The following SEPTIN14 variants were observed in gnomAD, a reference collection of about 807,000 sequenced individuals.
SEPTIN14 encodes the protein septin 14.
SEPTIN14 carries 40 observed loss-of-function variants against 53.6 expected under a neutral mutation model. That is an observed-to-expected ratio of 0.75 (90% CI 0.58 to 0.97). SEPTIN14 has a LOEUF of 0.97. Ranked by LOEUF, SEPTIN14 falls within the 50% of genes least tolerant of loss-of-function variation. The probability of loss-of-function intolerance (pLI) is 0.00; values close to 1 mark genes in which losing one functional copy is unlikely to be tolerated. For missense variants in SEPTIN14, 471 were observed against 508.2 expected (o/e 0.93, Z 0.70); for synonymous variants, 138 against 166.8 (o/e 0.83, Z 1.33).
chr7:55,811,358 C>T, intron 7 of SEPTIN14: 1 of 502,576 alleles, frequency 2.0e-6, no homozygotes, highest in Non-Finnish European at 4.0e-6. Flanking sequence ...CGAGCTTCCA[C>T]CTCCCTAAGG....
intron 9 of SEPTIN14, among the ~76,000 whole-genome samples, chr7:55,799,566 G>A (rs918858447): frequency 2.7e-5 from 4 of 146,584 alleles, no homozygotes; most frequent in Non-Finnish European, 4.5e-5. Flanking sequence ...GATATTCCAT[G>A]CAAATTATAG....
intron 9 of SEPTIN14, 45 bp downstream of exon 9, chr7:55,805,213 G>T: frequency 1.3e-6 from 2 of 1,522,020 alleles, no homozygotes; most frequent in Non-Finnish European, 1.8e-6. Context: ...AATTAATAGG[G>T]CACCTAAAAA....
chr7:55,798,554 C>G (rs1425616456), intron 9 of SEPTIN14: 1 of 380,154 alleles, frequency 2.6e-6, no homozygotes, highest in Non-Finnish European at 5.2e-6. Flanking sequence ...GCCCAAGGAA[C>G]AGAACTCATC....
chr7:55,803,007 G>A lies in SEPTIN14; in HGVS notation c.1119+2251C>T, dbSNP rs984955745. Among the ~76,000 whole-genome samples the A allele has an allele frequency of 4.6e-5, 7 of 151,824 alleles. No homozygotes were observed. In the East Asian group the frequency reaches 1.4e-3, roughly 29 times the overall value. ...GGCTAGAGTGCAGTGGTGCAATCTG[G>A]GCTCACTGTAACCTCTACCTCCCGG... On this transcript the variant is annotated intron_variant, in intron 9 of 9. Coordinates refer to ENST00000388975, the MANE Select transcript of SEPTIN14 (RefSeq NM_207366.3).
intron 9 of SEPTIN14, among the ~76,000 whole-genome samples, chr7:55,799,518 CAAA>C (rs59445168): frequency 1.6e-4 from 10 of 62,886 alleles, no homozygotes; most frequent in African/African-American, 2.2e-4. Flanking sequence ...ACTCTTGTCT[CAAA>C]AAAAAAAAAA....
intron 6 of SEPTIN14, among the ~76,000 whole-genome samples, chr7:55,822,784 A>G (rs1788918288): frequency 6.6e-6 from 1 of 152,090 alleles, no homozygotes; most frequent in Admixed American, 6.6e-5. Context: ...GCATAAAACA[A>G]TAAAATTCCT....
intron 5 of SEPTIN14, among the ~76,000 whole-genome samples, chr7:55,841,179 G>T (rs1173649114): frequency 6.6e-6 from 1 of 152,054 alleles, no homozygotes; most frequent in East Asian, 1.9e-4. Context: ...AAAGTGACGG[G>T]ATTACAGGCG....
chr7:55,834,706 G>T lies in SEPTIN14; in HGVS notation c.559-120C>A, dbSNP rs185656898. The T allele has an allele frequency of 7.4e-6, 5 of 679,780 alleles. No individual in the cohort carries two copies. In the East Asian group the frequency reaches 1.2e-4, roughly 16 times the overall value. 42.1% of individuals were successfully genotyped at this position (679,780 alleles called of 1,614,324 possible). A position where few individuals can be genotyped will look rare whatever the true frequency, so the allele number is the denominator to read the frequency against. On this transcript the variant is annotated intron_variant, in intron 5 of 9. Coordinates refer to ENST00000388975, the MANE Select transcript of SEPTIN14 (RefSeq NM_207366.3). ...CGCCCAGGCTGGAGTGCAGGGGCACGATCTCGGCTCACTGCAAGCTCCGCC... is the reference window on the plus strand; with the variant it reads ...CGCCCAGGCTGGAGTGCAGGGGCACTATCTCGGCTCACTGCAAGCTCCGCC...
chr7:55,828,175 T>C (rs1789023345), intron 6 of SEPTIN14, among the ~76,000 whole-genome samples: 1 of 150,908 alleles, frequency 6.6e-6, no homozygotes, highest in Non-Finnish European at 1.5e-5. Context: ...AAGACAAAGC[T>C]GAAAATCAAC....
At chr7:55,855,861 CT>C (rs547418017) in intron 2 of SEPTIN14, among the ~76,000 whole-genome samples, 41 of 151,766 alleles carry the variant, frequency 2.7e-4, no homozygotes, top group African/African-American at 9.9e-4. Context: ...CCTGTAGCTG[CT>C]TTTTTTTGTT....
chr7:55,855,135 A>G (rs1167731522), intron 2 of SEPTIN14, among the ~76,000 whole-genome samples: 1 of 151,916 alleles, frequency 6.6e-6, no homozygotes, highest in Non-Finnish European at 1.5e-5. Flanking sequence ...CAGCCTCCCA[A>G]GTAGCTGGGA....
At chr7:55,803,948 C>T (rs947933609) in intron 9 of SEPTIN14, among the ~76,000 whole-genome samples, 26 of 147,462 alleles carry the variant, frequency 1.8e-4, no homozygotes, top group African/African-American at 6.3e-4. Flanking sequence ...CACGGTGAAA[C>T]CCCATCTCTA....
chr7:55,828,608 GA>G (rs1249558191), intron 6 of SEPTIN14, among the ~76,000 whole-genome samples: 4 of 152,078 alleles, frequency 2.6e-5, no homozygotes, highest in Non-Finnish European at 5.9e-5. Context: ...CCGGCCAGAT[GA>G]AAGCTTTAAC....
chr7:55,817,937 G>A (rs1488421184), intron 7 of SEPTIN14, among the ~76,000 whole-genome samples: 2 of 151,912 alleles, frequency 1.3e-5, no homozygotes, highest in Non-Finnish European at 2.9e-5. Context: ...TGTCAATTAA[G>A]ATTAATTAAT....
intron 2 of SEPTIN14, among the ~76,000 whole-genome samples, chr7:55,852,299 T>G (rs1168412268): frequency 6.6e-6 from 1 of 152,098 alleles, no homozygotes; most frequent in Non-Finnish European, 1.5e-5. Context: ...AATACAGAAC[T>G]ACAATAACCA....
chr7:55,844,915 T>TC (rs1789375916), intron 3 of SEPTIN14, among the ~76,000 whole-genome samples, 197 bp from the exon 4 acceptor site: 1 of 151,306 alleles, frequency 6.6e-6, no homozygotes, highest in African/African-American at 2.4e-5. Context: ...AAAGTTTCTT[T>TC]TTTTTTTTTT....
intron 6 of SEPTIN14, among the ~76,000 whole-genome samples, chr7:55,832,334 T>C (rs1419831139): frequency 6.6e-6 from 1 of 152,086 alleles, no homozygotes; most frequent in African/African-American, 2.4e-5. Context: ...ACAACCTCTA[T>C]GAAAAACAGC....
At chr7:55,855,638 T>G (rs1789609951) in intron 2 of SEPTIN14, among the ~76,000 whole-genome samples, 1 of 152,010 alleles carries the variant, frequency 6.6e-6, no homozygotes, top group South Asian at 2.1e-4. Context: ...TCACTGCAAC[T>G]TCCGCCTCCC....
Position 55,795,925 on chromosome 7 carries a change from A to G in SEPTIN14, c.1287T>C (p.His429=), listed in dbSNP as rs1450213269. ...QLSTDTKKDK[H]RKK ...GTAAGAGAAACTATTATTTCTTACG[A>G]TGTTTGTCTTTCTTTGTATCGGTGC... is the stretch of plus-strand genomic sequence containing the variant. The change falls in exon 10 of 10, where the codon CAT becomes CAC. Residue 429 remains histidine, a synonymous_variant. Coordinates refer to ENST00000388975, the MANE Select transcript of SEPTIN14 (RefSeq NM_207366.3). 1 of 1,592,800 alleles carries G rather than the reference A, an allele frequency of 6.3e-7. No homozygotes were observed. The highest frequency in any genetic ancestry group is 8.5e-7 in the Non-Finnish European group (1 of 1,176,602).
Sources: gnomAD v4.1 joint callset for allele counts (sites outside exome capture counted in the v4.1 genomes callset) on GRCh38, gnomAD v4.1.1 for gene constraint, MANE v1.5 for transcripts, NCBI Gene and HGNC (gene_info 2026-07-23, HGNC 2026-07-21) for gene names.